The following DIPK1A variants were observed in gnomAD, a reference collection of about 807,000 sequenced individuals.
DIPK1A encodes the protein divergent protein kinase domain 1A.
Under a neutral mutation model 40.8 loss-of-function variants are expected in DIPK1A, and 27 were observed. The ratio of observed to expected loss-of-function variants is 0.66; its 90% confidence interval spans 0.49 to 0.91. DIPK1A has a LOEUF of 0.91. DIPK1A is among the 40% of genes least tolerant of loss of function. DIPK1A has a pLI of 0.00. For missense variants in DIPK1A, 412 were observed against 505.7 expected, an observed-to-expected ratio of 0.81 and a Z score of 1.78; for synonymous variants, 166 against 171.3, an observed-to-expected ratio of 0.97 and a Z score of 0.24.
chr1:92,877,295 C>T (rs1648174456), intron 1 of DIPK1A: 1 of 221,094 alleles, frequency 4.5e-6, no homozygotes, highest in Admixed American at 6.5e-5. Flanking sequence ...TCTGTAGCAC[C>T]CATGGTCTGG....
intron 4 of DIPK1A, chr1:92,833,322 T>C: frequency 1.6e-6 from 2 of 1,286,172 alleles, no homozygotes; most frequent in Non-Finnish European, 2.3e-6. Context: ...TGTTACATGG[T>C]TAATTTATGT....
In DIPK1A at chr1:92,941,211, T is replaced by G. The variant is rs1262183800; in HGVS notation, c.54+20165A>C. Among the ~76,000 whole-genome samples, 4 of 152,222 alleles carry G rather than the reference T, an allele frequency of 2.6e-5. No homozygotes were observed. The East Asian group carries it at 7.7e-4, about 29-fold the overall frequency. ...ACTATTATTTCTTGCCAGAATGAAA[T>G]AGGACTCAGCTATTAAAAAACAGAA... On this transcript the variant is annotated intron_variant, in intron 1 of 4. Transcript: ENST00000370310.
intron 2 of DIPK1A, among the ~76,000 whole-genome samples, chr1:92,865,886 C>T (rs748640435): frequency 2.0e-5 from 3 of 152,128 alleles, no homozygotes; most frequent in Admixed American, 6.5e-5. Context: ...ATGCACTGTA[C>T]ATAATTTATA....
At chr1:92,917,745 T>C (rs1441370372) in intron 1 of DIPK1A, among the ~76,000 whole-genome samples, 1 of 152,162 alleles carries the variant, frequency 6.6e-6, no homozygotes, top group African/African-American at 2.4e-5. Flanking sequence ...ACCAGAGAGC[T>C]GTGGGAATGG....
intron 1 of DIPK1A, among the ~76,000 whole-genome samples, chr1:92,921,399 C>T (rs1021466148): frequency 4.6e-5 from 7 of 152,084 alleles, no homozygotes; most frequent in South Asian, 4.1e-4. Flanking sequence ...AGACCAAATC[C>T]AGAGGAAGTA....
chr1:92,915,581 A>G (rs914007861), intron 1 of DIPK1A, among the ~76,000 whole-genome samples: 5 of 152,168 alleles, frequency 3.3e-5, no homozygotes, highest in Non-Finnish European at 5.9e-5. Context: ...GTTAGCATCT[A>G]TTCTTGGGTT....
intron 2 of DIPK1A, among the ~76,000 whole-genome samples, chr1:92,853,453 TGGC>T (rs1181294472): frequency 7.9e-5 from 12 of 152,166 alleles, no homozygotes; most frequent in Non-Finnish European, 1.8e-4. Context: ...CCAATCAGAT[TGGC>T]CCCAGATTTC....
intron 1 of DIPK1A, among the ~76,000 whole-genome samples, chr1:92,953,436 C>T (rs1651721258): frequency 6.6e-6 from 1 of 152,068 alleles, no homozygotes; most frequent in African/African-American, 2.4e-5. Context: ...AGCAAGATCT[C>T]AAAGAGATAT....
chr1:92,842,169 T>TTTC lies in DIPK1A; in HGVS notation c.*1211_*1213dup, dbSNP rs1229140970. 4 of 1,032,590 alleles carry TTTC rather than the reference T, an allele frequency of 3.9e-6. No individual in the cohort carries two copies. The East Asian group carries it at 3.3e-4, about 86-fold the overall frequency. The allele number at this position is 1,032,590 out of a possible 1,614,324, so 64.0% of individuals were successfully genotyped here. On this transcript the variant is annotated 3_prime_UTR_variant, in exon 5 of 5. Coordinates refer to ENST00000370310, the MANE Select transcript of DIPK1A (RefSeq NM_001006605.5). ...ACAGACCAACCATCAGTGGGAAATATTTCTTCCATCCATTTATTATAACCA... is the reference window on the plus strand; with the variant it reads ...ACAGACCAACCATCAGTGGGAAATATTTCTTCTTCCATCCATTTATTATAACCA...
Position 92,937,231 on chromosome 1 carries a change from C to T in DIPK1A, c.54+24145G>A, listed in dbSNP as rs146977325. Among the ~76,000 whole-genome samples, 348 of 152,024 alleles carry T rather than the reference C, an allele frequency of 2.3e-3. 1 individual carries two copies. The highest frequency in any genetic ancestry group is 7.9e-3 in the African/African-American group (329 of 41,466). On this transcript the variant is annotated intron_variant, in intron 1 of 4. Coordinates refer to ENST00000370310, the MANE Select transcript of DIPK1A (RefSeq NM_001006605.5). ...ATCCCAGCACTTTGGGAGGCTGAAG[C>T]GGGCAGATTACCTGAGGTCAGGAGT... is the stretch of plus-strand genomic sequence containing the variant.
intron 4 of DIPK1A, among the ~76,000 whole-genome samples, chr1:92,844,595 T>C (rs1332232849): frequency 6.6e-6 from 1 of 152,192 alleles, no homozygotes; most frequent in East Asian, 1.9e-4. Context: ...CAACTAAAAA[T>C]TATTTTCCTT....
intron 1 of DIPK1A, among the ~76,000 whole-genome samples, chr1:92,921,291 T>A (rs573773850): frequency 6.6e-6 from 1 of 152,208 alleles, no homozygotes; most frequent in African/African-American, 2.4e-5. Flanking sequence ...TGTGTTTTGG[T>A]TTTTAATTGC....
At chr1:92,850,986 T>A (rs1687799712) in intron 2 of DIPK1A, 31 bp from the exon 3 acceptor site, 14 of 1,339,968 alleles carry the variant, frequency 1.0e-5, no homozygotes, top group Non-Finnish European at 1.3e-5. Context: ...AAGTAGTTAA[T>A]AGAAAAATAT....
chr1:92,914,507 C>T (rs1388165581), intron 1 of DIPK1A, among the ~76,000 whole-genome samples: 1 of 152,048 alleles, frequency 6.6e-6, no homozygotes, highest in East Asian at 1.9e-4. Context: ...CGGTGGCTCT[C>T]GCGTGTAATC....
intron 1 of DIPK1A, among the ~76,000 whole-genome samples, chr1:92,893,532 C>G (rs1168716082): frequency 6.6e-6 from 1 of 152,014 alleles, no homozygotes; most frequent in East Asian, 1.9e-4. Context: ...CAACCGGTAC[C>G]AGCCACTGCA....
intron 1 of DIPK1A, among the ~76,000 whole-genome samples, chr1:92,951,912 T>C (rs1209820332): frequency 7.0e-6 from 1 of 143,752 alleles, no homozygotes; most frequent in Non-Finnish European, 1.5e-5. Flanking sequence ...TAAATATACA[T>C]AAATACTCCC....
intron 1 of DIPK1A, among the ~76,000 whole-genome samples, chr1:92,910,501 C>T (rs1040936114): frequency 1.3e-5 from 2 of 152,026 alleles, no homozygotes; most frequent in African/African-American, 4.8e-5. Flanking sequence ...GTCTAGTTTA[C>T]TAAAATGAGA....
Position 92,843,595 on chromosome 1 carries a change from T to C in DIPK1A, c.1075A>G (p.Ile359Val). 6.4e-7 allele frequency: 1 copy of C among 1,551,978 alleles called. No homozygotes were observed. Among genetic ancestry groups the C allele is most frequent in the Non-Finnish European group, 8.7e-7 (1 of 1,147,042 alleles). ...QSTMKCTSEV[I>V]QPNLAKACQL... ...CAAGCTTTTGCCAAGTTTGGTTGTATCACTTCTGAAGTACACTTCATTGTA... is the reference window on the plus strand; with the variant it reads ...CAAGCTTTTGCCAAGTTTGGTTGTACCACTTCTGAAGTACACTTCATTGTA... Residue 359 changes from isoleucine to valine, a missense_variant, in exon 5 of 5, where the codon ATA (isoleucine) becomes GTA (valine). Transcript: ENST00000370310.
At chr1:92,838,682 A>G (rs1687218199), downstream of DIPK1A, among the ~76,000 whole-genome samples, 3 of 152,218 alleles carry the variant, frequency 2.0e-5, no homozygotes, top group South Asian at 4.1e-4. Context: ...CTTTACCTCA[A>G]TTCAGGCATT....
Sources: gnomAD v4.1 joint callset for allele counts (sites outside exome capture counted in the v4.1 genomes callset) on GRCh38, gnomAD v4.1.1 for gene constraint, MANE v1.5 for transcripts, NCBI Gene and HGNC (gene_info 2026-07-23, HGNC 2026-07-21) for gene names.